MMS22L: variants seen among roughly 807,000 people sequenced by gnomAD.
The protein encoded by MMS22L is protein MMS22-like.
A neutral mutation model predicts 159.1 loss-of-function variants in MMS22L; 74 were observed. The observed-to-expected ratio is 0.47, with a 90% CI of 0.39 to 0.56. The LOEUF (loss-of-function observed/expected upper bound fraction) is 0.56. Ranked by LOEUF, MMS22L falls within the 20% of genes least tolerant of loss-of-function variation. MMS22L has a pLI of 0.00. For missense variants in MMS22L, 1,351 were observed against 1,422.1 expected, an observed-to-expected ratio of 0.95 and a Z score of 0.80; for synonymous variants, 517 against 506.9, an observed-to-expected ratio of 1.02 and a Z score of -0.27.
At chr6:97,280,389 A>G (rs1334661173) in intron 3 of MMS22L, among the ~76,000 whole-genome samples, 5 of 151,974 alleles carry the variant, frequency 3.3e-5, no homozygotes, top group Admixed American at 2.6e-4. Flanking sequence ...GCTGGAGTAC[A>G]GTGGGCAATC....
chr6:97,272,914 AGTCTG>A (rs1446089158), intron 5 of MMS22L, 33 bp from the exon 6 acceptor site: 2 of 1,605,674 alleles, frequency 1.2e-6, no homozygotes, highest in African/African-American at 2.7e-5. Context: ...AAACAACTAG[AGTCTG>A]TGTGAATACA....
Position 97,173,043 on chromosome 6 carries a change from A to T in MMS22L, c.2839+20T>A, listed in dbSNP as rs1302590985. The T allele has an allele frequency of 6.2e-7, 1 of 1,601,492 alleles. No individual in the cohort carries two copies. The highest frequency in any genetic ancestry group is 8.5e-7 in the Non-Finnish European group (1 of 1,176,234). Reference sequence around the variant, plus strand: ...AACCTAAGGAAATGTTACTAGCAAAATAATGCCAGGAATACATACCCATCA... The same window carrying T: ...AACCTAAGGAAATGTTACTAGCAAATTAATGCCAGGAATACATACCCATCA... On this transcript the variant is annotated intron_variant, in intron 19 of 24. Transcript: ENST00000683635.
chr6:97,185,296 T>C (rs1805108597), intron 15 of MMS22L, among the ~76,000 whole-genome samples: 1 of 152,148 alleles, frequency 6.6e-6, no homozygotes, highest in South Asian at 2.1e-4. Flanking sequence ...TTAGTATCTC[T>C]CCAATGCCTA....
At chr6:97,161,134 T>C (rs1184698536) in intron 22 of MMS22L, among the ~76,000 whole-genome samples, 1 of 152,022 alleles carries the variant, frequency 6.6e-6, no homozygotes, top group African/African-American at 2.4e-5. Context: ...GCATGTCCTG[T>C]AATTTTTTGG....
At chr6:97,250,482 G>C (rs1813129234) in intron 10 of MMS22L, among the ~76,000 whole-genome samples, 1 of 152,166 alleles carries the variant, frequency 6.6e-6, no homozygotes, top group African/African-American at 2.4e-5. Context: ...GCAATGCCCA[G>C]AAGTAATTTT....
chr6:97,225,991 T>C (rs985995066), intron 14 of MMS22L, among the ~76,000 whole-genome samples: 2 of 152,232 alleles, frequency 1.3e-5, no homozygotes, highest in African/African-American at 4.8e-5. Context: ...GTTTTTTTGG[T>C]ATGAAATTTG....
chr6:97,156,396 C>T (rs1192933467), intron 22 of MMS22L, among the ~76,000 whole-genome samples: 1 of 152,170 alleles, frequency 6.6e-6, no homozygotes, highest in Non-Finnish European at 1.5e-5. Context: ...TTTGCCCATC[C>T]CCATGTCCTG....
intron 15 of MMS22L, 86 bp from the exon 16 acceptor site, chr6:97,182,140 GTT>G (rs199987050): frequency 1.1e-3 from 802 of 734,710 alleles, no homozygotes; most frequent in South Asian, 1.8e-3. Flanking sequence ...TATAACAAGT[GTT>G]TTTTTTTTTT....
intron 10 of MMS22L, among the ~76,000 whole-genome samples, chr6:97,247,094 A>C (rs1390224363): frequency 1.3e-5 from 2 of 149,412 alleles, no homozygotes; most frequent in African/African-American, 4.9e-5. Flanking sequence ...TTTTTCCTTC[A>C]TTTTGTGAAT....
At chr6:97,242,195 G>C (rs1316658619) in intron 11 of MMS22L, among the ~76,000 whole-genome samples, 1 of 152,118 alleles carries the variant, frequency 6.6e-6, no homozygotes, top group African/African-American at 2.4e-5. Flanking sequence ...TGTCAGTAGA[G>C]TACTGAAGTC....
chr6:97,155,299 C>T (rs932046336), intron 22 of MMS22L, among the ~76,000 whole-genome samples: 1 of 141,192 alleles, frequency 7.1e-6, no homozygotes, highest in Non-Finnish European at 1.5e-5. Context: ...TATTTTTTAA[C>T]GTAGTCTTCC....
chr6:97,236,234 C>A (rs1185744918), intron 11 of MMS22L, among the ~76,000 whole-genome samples: 1 of 147,364 alleles, frequency 6.8e-6, no homozygotes, highest in Non-Finnish European at 1.5e-5. Flanking sequence ...GAGGCCAAAG[C>A]AGGAAAATCG....
chr6:97,164,076 A>G (rs1252546141), intron 21 of MMS22L, among the ~76,000 whole-genome samples: 2 of 152,034 alleles, frequency 1.3e-5, no homozygotes, highest in African/African-American at 4.8e-5. Context: ...GGACTAGAAG[A>G]AAAGACTAGA....
intron 11 of MMS22L, among the ~76,000 whole-genome samples, chr6:97,236,679 C>T (rs893688552): frequency 1.3e-5 from 2 of 151,936 alleles, no homozygotes; most frequent in Non-Finnish European, 2.9e-5. Flanking sequence ...AGGCCGGGCA[C>T]GGTGGCTCAC....
At chr6:97,200,475 G>C (rs1176129367) in intron 14 of MMS22L, among the ~76,000 whole-genome samples, 1 of 152,008 alleles carries the variant, frequency 6.6e-6, no homozygotes, top group East Asian at 1.9e-4. Flanking sequence ...ATTTCTTTTT[G>C]CAAGGCTTCA....
At chr6:97,184,087 G>A (rs1481174011) in intron 15 of MMS22L, among the ~76,000 whole-genome samples, 2 of 152,008 alleles carry the variant, frequency 1.3e-5, no homozygotes, top group African/African-American at 4.8e-5. Context: ...GCTCTTTCAG[G>A]TCACCAGTGA....
intron 22 of MMS22L, among the ~76,000 whole-genome samples, chr6:97,160,968 C>A (rs116258408): frequency 3.3e-5 from 5 of 151,984 alleles, no homozygotes; most frequent in African/African-American, 1.2e-4. Context: ...ACCATACTTT[C>A]GTTTTCTTCA....
intron 14 of MMS22L, among the ~76,000 whole-genome samples, chr6:97,208,404 A>T (rs1808017561): frequency 6.6e-6 from 1 of 152,046 alleles, no homozygotes; most frequent in South Asian, 2.1e-4. Context: ...TAAGTGCTGA[A>T]GTTATAATTA....
chr6:97,233,723 G>A (rs1811105366), intron 12 of MMS22L, 138 bp downstream of exon 12: 5 of 767,876 alleles, frequency 6.5e-6, no homozygotes, highest in Middle Eastern at 4.1e-4. Context: ...CTATTCACGA[G>A]CTACTCCAAT....
Sources: gnomAD v4.1 joint callset for allele counts (sites outside exome capture counted in the v4.1 genomes callset) on GRCh38, gnomAD v4.1.1 for gene constraint, MANE v1.5 for transcripts, NCBI Gene and HGNC (gene_info 2026-07-23, HGNC 2026-07-21) for gene names.